The following SLC25A26 variants were observed in gnomAD, a reference collection of about 807,000 sequenced individuals.
The protein encoded by SLC25A26 is mitochondrial S-adenosylmethionine carrier protein.
In SLC25A26, 36 loss-of-function variants were observed where a neutral mutation model predicts 37.8. The observed-to-expected ratio is 0.95, with a 90% CI of 0.73 to 1.26. SLC25A26 has a LOEUF of 1.26. Among genes scored for constraint, SLC25A26 ranks in the 50% most tolerant of loss-of-function variants. The pLI is 0.00. For missense variants in SLC25A26, 390 were observed against 331.1 expected (o/e 1.18, Z -1.38); for synonymous variants, 129 against 122.5 (o/e 1.05, Z -0.35).
intron 7 of SLC25A26, among the ~76,000 whole-genome samples, chr3:66,364,684 AC>A (rs2076787526): frequency 6.6e-6 from 1 of 152,172 alleles, no homozygotes. Flanking sequence ...AGGAATTACT[AC>A]TATTTCAATA....
intron 1 of SLC25A26, among the ~76,000 whole-genome samples, chr3:66,161,269 T>C (rs1388696817): frequency 6.6e-6 from 1 of 152,164 alleles, no homozygotes. Flanking sequence ...TTTTTCCCCA[T>C]GGAATCAGCA....
chr3:66,338,100 T>C (rs907186065), intron 5 of SLC25A26, among the ~76,000 whole-genome samples: 4 of 152,052 alleles, frequency 2.6e-5, no homozygotes, highest in Admixed American at 2.0e-4. Flanking sequence ...TAGAATCATA[T>C]AGTCTGCACT....
intron 5 of SLC25A26, among the ~76,000 whole-genome samples, chr3:66,296,151 G>T (rs2074896425): frequency 6.6e-6 from 1 of 152,074 alleles, no homozygotes; most frequent in Admixed American, 6.6e-5. Context: ...AAGAATTGGA[G>T]CCATCAAAGT....
chr3:66,250,904 A>C (rs1260401213), intron 3 of SLC25A26, among the ~76,000 whole-genome samples: 1 of 152,246 alleles, frequency 6.6e-6, no homozygotes, highest in Non-Finnish European at 1.5e-5. Flanking sequence ...TGGTTGCCAC[A>C]GTGAAGTAAG....
At chr3:66,303,603 G>A (rs1268584360) in intron 5 of SLC25A26, among the ~76,000 whole-genome samples, 1 of 152,208 alleles carries the variant, frequency 6.6e-6, no homozygotes, top group Non-Finnish European at 1.5e-5. Context: ...GTAACTTCAA[G>A]TGTCATGTAA....
At chr3:66,192,702 C>T (rs966556849) in intron 1 of SLC25A26, among the ~76,000 whole-genome samples, 27,188 of 152,062 alleles carry the variant, frequency 0.18, 2,504 homozygotes, top group African/African-American at 0.19. Flanking sequence ...CAGTAAAATA[C>T]ATATCAAAGG....
At chr3:66,250,325 C>CT (rs2073032188) in intron 3 of SLC25A26, among the ~76,000 whole-genome samples, 2 of 152,146 alleles carry the variant, frequency 1.3e-5, no homozygotes, top group Non-Finnish European at 2.9e-5. Context: ...AAGATACTGC[C>CT]TTTTAGAGGC....
At chr3:66,213,336 G>T (rs1264544601) in intron 1 of SLC25A26, among the ~76,000 whole-genome samples, 1 of 142,930 alleles carries the variant, frequency 7.0e-6, no homozygotes, top group African/African-American at 2.6e-5. Context: ...GAAGGTGGAG[G>T]TGGCAATGAG....
rs987478825 is a variant in SLC25A26 at position 66,210,576 on chromosome 3, G to A, written c.-353-10166G>A. ...TGTCACTAGGCTGGAGTGCAGTGGT[G>A]TGATCTTTGCTCACTGCAGCCTTGA... On this transcript the variant is annotated intron_variant, in intron 1 of 10. Transcript: ENST00000676754. Among the ~76,000 whole-genome samples the A allele has an allele frequency of 1.4e-3, 211 of 152,096 alleles. 1 individual carries two copies. The highest frequency in any genetic ancestry group is 4.9e-3 in the African/African-American group (202 of 41,502).
rs186467817 is a variant in SLC25A26, at chr3:66,370,758, A to C, written c.707+156A>C. On this transcript the variant is annotated intron_variant, in intron 9 of 9. Coordinates refer to ENST00000354883, the MANE Select transcript of SLC25A26 (RefSeq NM_001379210.1). ...TATTATAGTTGATGTTGTATATATGAGATAACATAGCAAATCAAATTGACG... is the reference window on the plus strand; with the variant it reads ...TATTATAGTTGATGTTGTATATATGCGATAACATAGCAAATCAAATTGACG... 2.8e-3 allele frequency: 524 copies of C among 184,022 alleles called. 2 individuals carry two copies. The highest frequency in any genetic ancestry group is 4.2e-3 in the Non-Finnish European group (407 of 97,140). The allele number at this position is 184,022 out of a possible 1,614,324, so 11.4% of individuals were successfully genotyped here. A position where few individuals can be genotyped will look rare whatever the true frequency, so the allele number is the denominator to read the frequency against.
chr3:66,313,225 G>A (rs1478421325), intron 5 of SLC25A26, among the ~76,000 whole-genome samples: 1 of 152,144 alleles, frequency 6.6e-6, no homozygotes, highest in Non-Finnish European at 1.5e-5. Context: ...CAATGGTATT[G>A]CCTAGATTTT....
At chr3:66,356,024 C>T in intron 6 of SLC25A26, 2 of 456,230 alleles carry the variant, frequency 4.4e-6, no homozygotes, top group African/African-American at 2.0e-5. Context: ...ATATCATCAT[C>T]TTGTAGGGTT....
At chr3:66,276,089 T>G (rs919059901) in intron 5 of SLC25A26, among the ~76,000 whole-genome samples, 2 of 152,114 alleles carry the variant, frequency 1.3e-5, no homozygotes, top group African/African-American at 4.8e-5. Context: ...TTAAAATGTT[T>G]ATCTGTGGGT....
Position 66,339,126 on chromosome 3 carries a change from T to G in SLC25A26, c.454-7238T>G, listed in dbSNP as rs62243212. 6.4e-3 allele frequency among the ~76,000 whole-genome samples: 979 copies of G among 152,164 alleles called. 7 individuals are homozygous for G. The highest frequency in any genetic ancestry group is 0.025 in the South Asian group (121 of 4,828). ...CATAAGGTCATTCTGTGTTTAACTT[T>G]TTAAGGAACCATCAAATTGTTTTAT... On this transcript the variant is annotated intron_variant, in intron 5 of 9. Transcript: ENST00000354883.
intron 1 of SLC25A26, among the ~76,000 whole-genome samples, chr3:66,172,725 A>C (rs2070519409): frequency 6.6e-6 from 1 of 152,130 alleles, no homozygotes; most frequent in Admixed American, 6.6e-5. Context: ...TAGTTTGCTG[A>C]CAATTTTTGT....
At chr3:66,143,327 G>C (rs1036984627) in intron 1 of SLC25A26, among the ~76,000 whole-genome samples, 3 of 152,162 alleles carry the variant, frequency 2.0e-5, no homozygotes, top group African/African-American at 7.2e-5. Context: ...TTCACCACCT[G>C]TTTCCAATTA....
At position 66,198,007 on chromosome 3, in the gene SLC25A26, T is replaced by C. The variant is rs936179836; in HGVS notation, c.-353-22735T>C. Among the ~76,000 whole-genome samples, 538 of 151,864 alleles carry C rather than the reference T, an allele frequency of 3.5e-3. 4 individuals carry two copies. The highest frequency in any genetic ancestry group is 0.012 in the African/African-American group (497 of 41,384). ...AAGGATAAGGTTAAGGGTGAGTGTA[T>C]ATGTCAGAGAAAGTGTCAGCTTGAT... On this transcript the variant is annotated intron_variant, in intron 1 of 10. Coordinates refer to the SLC25A26 transcript ENST00000676754.
chr3:66,341,082 C>T (rs756326510), intron 5 of SLC25A26, among the ~76,000 whole-genome samples: 22 of 151,776 alleles, frequency 1.4e-4, no homozygotes, highest in Non-Finnish European at 3.1e-4. Flanking sequence ...GTTTTTCTTG[C>T]CTGATTGCAT....
chr3:66,262,981 T>A (rs190339593), intron 4 of SLC25A26, among the ~76,000 whole-genome samples: 4 of 152,342 alleles, frequency 2.6e-5, no homozygotes, highest in South Asian at 4.1e-4. Context: ...TCTCAAATGT[T>A]CTTTTCAAGA....
Sources: allele counts gnomAD v4.1 joint callset (sites outside exome capture counted in the v4.1 genomes callset), GRCh38; gene constraint gnomAD v4.1.1; transcripts MANE v1.5; gene names NCBI Gene and HGNC (gene_info 2026-07-23, HGNC 2026-07-21).